FRMPD4: variants seen among roughly 807,000 people sequenced by gnomAD.
FRMPD4 encodes the protein FERM and PDZ domain-containing protein 4.
Under a neutral mutation model 94.1 loss-of-function variants are expected in FRMPD4, and 22 were observed. The observed-to-expected ratio is 0.23, with a 90% confidence interval of 0.17 to 0.33. The LOEUF (loss-of-function observed/expected upper bound fraction) is 0.33. FRMPD4 is among the 10% of genes least tolerant of loss of function. The probability of loss-of-function intolerance (pLI) is 1.00; values close to 1 mark genes in which losing one functional copy is unlikely to be tolerated. For synonymous variants in FRMPD4, 631 were observed against 548.6 expected, an observed-to-expected ratio of 1.15 and a Z score of -2.10; for missense variants, 1,111 against 1,339.9, an observed-to-expected ratio of 0.83 and a Z score of 2.67.
At chrX:12,121,580 T>C (rs1304394955) in intron 3 of FRMPD4, among the ~76,000 whole-genome samples, 1 of 111,798 alleles carries the variant, frequency 8.9e-6, no homozygotes, top group Non-Finnish European at 1.9e-5. Flanking sequence ...GAGCATATTG[T>C]AACTTTCCCT....
At chrX:12,374,199 A>G (rs994158668) in intron 1 of FRMPD4, among the ~76,000 whole-genome samples, 2 of 112,273 alleles carry the variant, frequency 1.8e-5, no homozygotes, top group Non-Finnish European at 3.8e-5. Context: ...CTGAGCATCT[A>G]TAAATCTTTA....
intron 2 of FRMPD4, among the ~76,000 whole-genome samples, chrX:12,589,036 G>A (rs746044241): frequency 4.5e-5 from 5 of 111,840 alleles, no homozygotes; most frequent in East Asian, 2.8e-4. Flanking sequence ...TTCCTAAGTC[G>A]ATATTATGTA....
At chrX:12,496,063 G>A (rs868719031) in intron 1 of FRMPD4, among the ~76,000 whole-genome samples, 1 of 112,057 alleles carries the variant, frequency 8.9e-6, no homozygotes, top group Non-Finnish European at 1.9e-5. Context: ...GATCTCAGCC[G>A]AAGCTTGGGG....
At chrX:11,905,869 G>A (rs1319788706) in intron 3 of FRMPD4, among the ~76,000 whole-genome samples, 1 of 111,001 alleles carries the variant, frequency 9.0e-6, no homozygotes, top group African/African-American at 3.3e-5. Context: ...GTTTTTGAAC[G>A]GACAATACTC....
At chrX:11,955,154 T>A in intron 3 of FRMPD4, among the ~76,000 whole-genome samples, 1 of 110,947 alleles carries the variant, frequency 9.0e-6, no homozygotes, top group Non-Finnish European at 1.9e-5. Context: ...AAAGGCCCAA[T>A]CATGAAGGCT....
intron 4 of FRMPD4, among the ~76,000 whole-genome samples, chrX:12,617,286 A>G (rs1425499971): frequency 8.9e-6 from 1 of 112,335 alleles, no homozygotes; most frequent in Non-Finnish European, 1.9e-5. Flanking sequence ...AAATCATATA[A>G]AATTCAGATT....
intron 1 of FRMPD4, among the ~76,000 whole-genome samples, chrX:12,235,503 T>G (rs912505800): frequency 8.9e-6 from 1 of 111,922 alleles, no homozygotes; most frequent in African/African-American, 3.2e-5. Context: ...GCATGAAAAT[T>G]CATGCTTTTT....
At chrX:12,627,133 G>C (rs989271369) in intron 4 of FRMPD4, among the ~76,000 whole-genome samples, 1 of 110,995 alleles carries the variant, frequency 9.0e-6, no homozygotes, top group Admixed American at 9.6e-5. Flanking sequence ...AAAATTAGCC[G>C]GGCATGGTGG....
intron 3 of FRMPD4, among the ~76,000 whole-genome samples, chrX:12,085,400 G>A (rs1007319539): frequency 5.4e-5 from 6 of 111,458 alleles, no homozygotes; most frequent in Non-Finnish European, 9.4e-5. Context: ...TAGATGCAGT[G>A]TCTCATACCT....
intron 3 of FRMPD4, among the ~76,000 whole-genome samples, chrX:11,955,483 AATGT>A (rs61232615): frequency 9.3e-5 from 10 of 107,922 alleles, no homozygotes; most frequent in East Asian, 2.8e-4. Flanking sequence ...TAAATAAATA[AATGT>A]ATGTATGTAT....
chrX:12,183,821 A>G (rs1251990449), intron 1 of FRMPD4, among the ~76,000 whole-genome samples: 1 of 110,541 alleles, frequency 9.0e-6, no homozygotes, highest in African/African-American at 3.3e-5. Context: ...AAATAGAAGC[A>G]TTGAACATAC....
At chrX:11,896,768 T>C (rs1802678834) in intron 3 of FRMPD4, among the ~76,000 whole-genome samples, 1 of 112,078 alleles carries the variant, frequency 8.9e-6, no homozygotes, top group Non-Finnish European at 1.9e-5. Flanking sequence ...CTGTGGTCCA[T>C]GGATTGGGCC....
At chrX:12,219,944 C>T (rs141643484) in intron 1 of FRMPD4, among the ~76,000 whole-genome samples, 1,526 of 111,910 alleles carry the variant, frequency 0.014, 32 homozygotes, top group African/African-American at 0.047. Context: ...GAGTTAGAGA[C>T]CAGCCCGACC....
chrX:12,718,372 G>C lies in FRMPD4; in HGVS notation c.3546G>C (p.Glu1182Asp), dbSNP rs1183147096. 1 of 1,212,085 alleles carries C rather than the reference G, an allele frequency of 8.3e-7. No homozygotes were observed. The highest frequency in any genetic ancestry group is 1.1e-6 in the Non-Finnish European group (1 of 895,546). The change falls in exon 16 of 17, where the codon GAG becomes GAC. Residue 1182 changes from glutamate to aspartate, a missense_variant. Coordinates refer to ENST00000675598, the MANE Select transcript of FRMPD4 (RefSeq NM_001368397.1). ...STCDHPSKLP[E>D]ADESVARLCD... ...GCGACCATCCTTCCAAGCTTCCTGAGGCTGATGAGAGTGTGGCCCGCCTTT... is the reference window on the plus strand; with the variant it reads ...GCGACCATCCTTCCAAGCTTCCTGACGCTGATGAGAGTGTGGCCCGCCTTT...
chrX:12,228,292 G>A (rs1258780870), intron 1 of FRMPD4, among the ~76,000 whole-genome samples: 5 of 112,248 alleles, frequency 4.5e-5, no homozygotes, highest in African/African-American at 1.6e-4. Context: ...CCTGAATATA[G>A]AATCCTACTT....
chrX:12,125,574 G>A (rs1262325767), intron 3 of FRMPD4, among the ~76,000 whole-genome samples: 1 of 110,353 alleles, frequency 9.1e-6, no homozygotes, highest in Non-Finnish European at 1.9e-5. Flanking sequence ...AGCCTTCTTG[G>A]CAAGCACATT....
chrX:12,108,961 C>T (rs904419268), intron 3 of FRMPD4, among the ~76,000 whole-genome samples: 2 of 111,526 alleles, frequency 1.8e-5, no homozygotes, highest in African/African-American at 6.5e-5. Context: ...TAGACTCCCA[C>T]ACAACAATAG....
intron 3 of FRMPD4, among the ~76,000 whole-genome samples, chrX:11,999,014 C>T (rs1210757357): frequency 9.0e-6 from 1 of 111,686 alleles, no homozygotes; most frequent in Non-Finnish European, 1.9e-5. Context: ...GTTCAGGATC[C>T]CTATCTATAT....
At chrX:12,461,061 T>G (rs1246840999) in intron 1 of FRMPD4, among the ~76,000 whole-genome samples, 1 of 111,928 alleles carries the variant, frequency 8.9e-6, no homozygotes, top group African/African-American at 3.2e-5. Flanking sequence ...TCAAAATTCT[T>G]CTTTAGCAAA....
Sources: gnomAD v4.1 joint callset for allele counts (sites outside exome capture counted in the v4.1 genomes callset) on GRCh38, gnomAD v4.1.1 for gene constraint, MANE v1.5 for transcripts, NCBI Gene and HGNC (gene_info 2026-07-23, HGNC 2026-07-21) for gene names.